Variants in ACCSL observed in about 807,000 individuals in gnomAD.
ACCSL encodes the protein 1-aminocyclopropane-1-carboxylate synthase homolog (inactive) like.
ACCSL carries 55 observed loss-of-function variants against 61.7 expected under a neutral mutation model. The observed-to-expected ratio is 0.89, with a 90% confidence interval of 0.72 to 1.12. The LOEUF is 1.12. Ranked by LOEUF, ACCSL falls within the 50% of genes most tolerant of loss-of-function variation. ACCSL has a pLI of 0.00. For synonymous variants in ACCSL, 258 were observed against 264.3 expected (o/e 0.98, Z 0.23); for missense variants, 632 against 698.0 (o/e 0.91, Z 1.07).
At chr11:43,995,549 A>G in the ACCSL span, 1 of 152,230 alleles carries the variant, frequency 6.6e-6, no homozygotes, top group Non-Finnish European at 1.5e-5. Context: ...GAGGACAGAG[A>G]GAGTATGTCC....
chr11:44,000,571 A>C, the ACCSL span, among the ~76,000 whole-genome samples: 2 of 82,612 alleles, frequency 2.4e-5, no homozygotes, highest in Admixed American at 2.4e-4. Flanking sequence ...ACAAACAAAT[A>C]AATAAATAAA....
chr11:43,947,029 G>A, the ACCSL span: 1 of 152,224 alleles, frequency 6.6e-6, no homozygotes, highest in Non-Finnish European at 1.5e-5. Context: ...AATTTGTAAA[G>A]GAAAGAGAAT....
chr11:43,983,562 T>G, the ACCSL span, among the ~76,000 whole-genome samples: 7 of 152,064 alleles, frequency 4.6e-5, no homozygotes. Context: ...ATGAGGAGCT[T>G]TCTAAGGAAC....
chr11:44,006,154 G>A, the ACCSL span, among the ~76,000 whole-genome samples: 1 of 152,222 alleles, frequency 6.6e-6, no homozygotes, highest in Non-Finnish European at 1.5e-5. Context: ...AGGGGTGACT[G>A]TGTGGACCCT....
the ACCSL span, among the ~76,000 whole-genome samples, chr11:44,008,875 T>C: frequency 7.9e-5 from 12 of 152,248 alleles, no homozygotes; most frequent in South Asian, 2.1e-4. Flanking sequence ...AAAACTGAGG[T>C]CCAAGGTCAT....
chr11:43,977,638 G>T, the ACCSL span, among the ~76,000 whole-genome samples: 2 of 152,224 alleles, frequency 1.3e-5, 1 homozygote, highest in East Asian at 3.8e-4. Context: ...TCATAAATTT[G>T]TGTCATTTTG....
intron 11 of ACCSL, among the ~76,000 whole-genome samples, chr11:44,057,244 G>A (rs1952677199): frequency 1.3e-5 from 2 of 152,198 alleles, no homozygotes; most frequent in Admixed American, 6.5e-5. Flanking sequence ...TTAGTTCCCT[G>A]TAATAGAACA....
chr11:44,030,587 G>A, the ACCSL span, among the ~76,000 whole-genome samples: 2 of 152,100 alleles, frequency 1.3e-5, no homozygotes, highest in African/African-American at 4.8e-5. Context: ...CTGGCTTGGA[G>A]CCTTCAATTT....
chr11:44,029,766 G>A, the ACCSL span, among the ~76,000 whole-genome samples: 1 of 152,004 alleles, frequency 6.6e-6, no homozygotes, highest in Non-Finnish European at 1.5e-5. Flanking sequence ...ATTGCTTGGT[G>A]AGTTGGCCCT....
chr11:44,019,389 AC>A, the ACCSL span, among the ~76,000 whole-genome samples: 1 of 152,162 alleles, frequency 6.6e-6, no homozygotes, highest in Admixed American at 6.5e-5. Context: ...TTACAATCCA[AC>A]CAGCAGCGTA....
At chr11:43,989,749 T>G in the ACCSL span, among the ~76,000 whole-genome samples, 1 of 152,230 alleles carries the variant, frequency 6.6e-6, no homozygotes, top group Non-Finnish European at 1.5e-5. Flanking sequence ...TCCAGGTCCC[T>G]TTGCTGCAGA....
At chr11:43,990,190 T>C in the ACCSL span, among the ~76,000 whole-genome samples, 2 of 152,166 alleles carry the variant, frequency 1.3e-5, no homozygotes, top group Non-Finnish European at 2.9e-5. Context: ...CTTCATTGGT[T>C]TGTGGGGAAG....
the ACCSL span, among the ~76,000 whole-genome samples, chr11:43,985,272 C>T: frequency 1.3e-5 from 2 of 152,140 alleles, no homozygotes; most frequent in African/African-American, 2.4e-5. Flanking sequence ...AAGTGTACCT[C>T]CAGTGTGAGA....
intron 8 of ACCSL, 136 bp from the exon 9 acceptor site, chr11:44,055,066 G>C (rs1359051630): frequency 2.2e-5 from 13 of 594,172 alleles, no homozygotes; most frequent in African/African-American, 3.7e-5. Context: ...TGGGGCAGTA[G>C]GAGTGCATGA....
the ACCSL span, among the ~76,000 whole-genome samples, chr11:43,927,331 A>G: frequency 6.6e-6 from 1 of 152,214 alleles, no homozygotes; most frequent in Non-Finnish European, 1.5e-5. Context: ...TTTGGAAATC[A>G]CGAGAATGGA....
chr11:43,965,457 C>T, the ACCSL span, among the ~76,000 whole-genome samples: 1 of 152,070 alleles, frequency 6.6e-6, no homozygotes, highest in Non-Finnish European at 1.5e-5. Flanking sequence ...TAAAGAACAC[C>T]TGAGTAAATG....
At chr11:44,028,564 G>T in the ACCSL span, among the ~76,000 whole-genome samples, 1 of 152,188 alleles carries the variant, frequency 6.6e-6, no homozygotes, top group Non-Finnish European at 1.5e-5. Flanking sequence ...GCTGCTCCAT[G>T]GGTCTGCCAG....
At chr11:44,007,346 G>A in the ACCSL span, among the ~76,000 whole-genome samples, 1 of 152,298 alleles carries the variant, frequency 6.6e-6, no homozygotes, top group Admixed American at 6.5e-5. Context: ...CCAGAGCCTG[G>A]GCGAGAAAGA....
the ACCSL span, among the ~76,000 whole-genome samples, chr11:43,929,258 T>C: frequency 6.6e-6 from 1 of 152,220 alleles, no homozygotes; most frequent in Non-Finnish European, 1.5e-5. Context: ...TCTTCCTTTG[T>C]TACCCAGGCT....
Sources: gnomAD v4.1 joint callset for allele counts (sites outside exome capture counted in the v4.1 genomes callset) on GRCh38, gnomAD v4.1.1 for gene constraint, MANE v1.5 for transcripts, NCBI Gene and HGNC (gene_info 2026-07-23, HGNC 2026-07-21) for gene names.